Variants in RSU1 observed in about 807,000 individuals in gnomAD.
RSU1 encodes the protein Ras suppressor protein 1.
In RSU1, 26 loss-of-function variants were observed where a neutral mutation model predicts 31.1. The ratio of observed to expected loss-of-function variants is 0.84; its 90% CI spans 0.61 to 1.16. The LOEUF (loss-of-function observed/expected upper bound fraction) is 1.16. Among genes scored for constraint, RSU1 ranks in the 50% most tolerant of loss-of-function variants. The pLI is 0.00. For synonymous variants in RSU1, 164 were observed against 136.3 expected, an observed-to-expected ratio of 1.20 and a Z score of -1.41; for missense variants, 320 against 339.1, an observed-to-expected ratio of 0.94 and a Z score of 0.44.
At chr10:16,651,940 T>C (rs370863634) in intron 8 of RSU1, among the ~76,000 whole-genome samples, 1 of 152,150 alleles carries the variant, frequency 6.6e-6, no homozygotes, top group Non-Finnish European at 1.5e-5. Flanking sequence ...AAATGGCTGG[T>C]TTGGTATTGA....
chr10:16,769,253 AT>A (rs1692769791), intron 3 of RSU1, among the ~76,000 whole-genome samples: 1 of 152,250 alleles, frequency 6.6e-6, no homozygotes, highest in Non-Finnish European at 1.5e-5. Context: ...TTAGGAGTTT[AT>A]ACAATAATAA....
At chr10:16,659,276 C>T (rs1834843402) in intron 8 of RSU1, among the ~76,000 whole-genome samples, 1 of 149,200 alleles carries the variant, frequency 6.7e-6, no homozygotes, top group Admixed American at 6.7e-5. Flanking sequence ...GGGTAAGAAA[C>T]CCTTCTCTAC....
chr10:16,703,075 G>A (rs1489451004), intron 7 of RSU1, among the ~76,000 whole-genome samples: 1 of 152,030 alleles, frequency 6.6e-6, no homozygotes, highest in Non-Finnish European at 1.5e-5. Flanking sequence ...TTCCTTTCTT[G>A]CTCCTGCTCC....
At chr10:16,772,709 G>A (rs1470132958) in intron 3 of RSU1, among the ~76,000 whole-genome samples, 1 of 149,940 alleles carries the variant, frequency 6.7e-6, no homozygotes, top group Admixed American at 6.7e-5. Context: ...CAGTCTCAGT[G>A]TTATAAAAGG....
intron 7 of RSU1, among the ~76,000 whole-genome samples, chr10:16,697,871 G>A (rs759843452): frequency 1.5e-4 from 22 of 151,672 alleles, no homozygotes; most frequent in African/African-American, 4.6e-4. Context: ...AAATATAGTC[G>A]GAACTTCTAG....
chr10:16,700,745 G>A (rs1362477261), intron 7 of RSU1, among the ~76,000 whole-genome samples: 4 of 152,096 alleles, frequency 2.6e-5, no homozygotes, highest in East Asian at 1.9e-4. Context: ...AGACAGTGTC[G>A]GCAGTAACTA....
intron 7 of RSU1, among the ~76,000 whole-genome samples, chr10:16,700,742 G>A (rs981213530): frequency 7.9e-5 from 12 of 152,200 alleles, no homozygotes; most frequent in Non-Finnish European, 1.3e-4. Context: ...AATAGACAGT[G>A]TCGGCAGTAA....
chr10:16,608,944 T>C (rs1833849481), intron 8 of RSU1, among the ~76,000 whole-genome samples: 1 of 152,138 alleles, frequency 6.6e-6, no homozygotes, highest in Non-Finnish European at 1.5e-5. Context: ...TAGATCCTCC[T>C]GTCTCAGCCT....
At chr10:16,782,611 G>A (rs1395359090) in intron 2 of RSU1, among the ~76,000 whole-genome samples, 1 of 152,194 alleles carries the variant, frequency 6.6e-6, no homozygotes, top group African/African-American at 2.4e-5. Flanking sequence ...GATGATCAGA[G>A]TTGAAACCCT....
intron 8 of RSU1, among the ~76,000 whole-genome samples, chr10:16,630,726 G>A (rs903532903): frequency 6.6e-6 from 1 of 152,152 alleles, no homozygotes. Context: ...ATTTCTTCCT[G>A]GGTGGTACTT....
chr10:16,704,149 A>G (rs1835848288), intron 7 of RSU1, among the ~76,000 whole-genome samples: 1 of 152,220 alleles, frequency 6.6e-6, no homozygotes, highest in South Asian at 2.1e-4. Context: ...ATCTATTTTG[A>G]GTACTGAAAA....
chr10:16,641,891 A>G (rs1834449312), intron 8 of RSU1, among the ~76,000 whole-genome samples: 1 of 152,234 alleles, frequency 6.6e-6, no homozygotes. Context: ...TGATCCATGT[A>G]GCAGAGCGGG....
At chr10:16,660,838 G>A (rs1216611658) in intron 8 of RSU1, among the ~76,000 whole-genome samples, 2 of 151,340 alleles carry the variant, frequency 1.3e-5, no homozygotes, top group African/African-American at 4.9e-5. Context: ...GTAGAGATGG[G>A]GTTTCACCAT....
chr10:16,596,596 T>G (rs1162646815), intron 8 of RSU1, among the ~76,000 whole-genome samples: 1 of 152,230 alleles, frequency 6.6e-6, no homozygotes, highest in Non-Finnish European at 1.5e-5. Flanking sequence ...CTAGGTAGCT[T>G]CAGCTACACA....
At chr10:16,694,255 C>T (rs1191592100) in intron 8 of RSU1, among the ~76,000 whole-genome samples, 1 of 152,182 alleles carries the variant, frequency 6.6e-6, no homozygotes, top group African/African-American at 2.4e-5. Flanking sequence ...GCTTCCTCTC[C>T]TGCCTTCCCC....
chr10:16,695,167 G>GGGGGGGGC lies in RSU1; in HGVS notation c.599-13_599-12insGCCCCCCC. ...TAAATCCAAGTTTCCTGGGGGGGGGGAAAAAAAAAGTGAAGGTCACTTCAT... is the reference window on the plus strand; with the variant it reads ...TAAATCCAAGTTTCCTGGGGGGGGGGGGGGGGGCAAAAAAAAAGTGAAGGTCACTTCAT... On this transcript the variant is annotated splice_polypyrimidine_tract_variant and intron_variant, in intron 7 of 8. Coordinates refer to ENST00000345264, the MANE Select transcript of RSU1 (RefSeq NM_012425.4). 7.6e-7 allele frequency: 1 copy of GGGGGGGGC among 1,318,156 alleles called. No individual in the cohort carries two copies. Among genetic ancestry groups the GGGGGGGGC allele is most frequent in the Non-Finnish European group, 1.0e-6 (1 of 970,982 alleles). The allele number at this position is 1,318,156 out of a possible 1,614,324, so 81.7% of individuals were successfully genotyped here.
rs1554768707 is a variant in RSU1, at chr10:16,718,097, T to TTA, written c.599-22943_599-22942insTA. On this transcript the variant is annotated intron_variant, in intron 7 of 8. Transcript: ENST00000345264. ...AGGTGTTTCCAAAGCTCAATTTATT[T>TTA]AAAAAAAAAAAAAAAAGAAAGAAAG... 2.8e-4 allele frequency among the ~76,000 whole-genome samples: 38 copies of TTA among 136,202 alleles called. 2 individuals carry two copies. Among genetic ancestry groups the TTA allele is most frequent in the Non-Finnish European group, 1.7e-4 (11 of 64,458 alleles). The allele number at this position is 136,202 out of a possible 152,430, so 89.4% of individuals were successfully genotyped here. A position where few individuals can be genotyped will look rare whatever the true frequency, so the allele number is the denominator to read the frequency against.
In RSU1 at chr10:16,695,157, T is replaced by TGCGG. The variant is rs373104238; in HGVS notation, c.599-3_599-2insCCGC. 133 of 1,204,558 alleles carry TGCGG rather than the reference T, an allele frequency of 1.1e-4. No individual in the cohort carries two copies. The highest frequency in any genetic ancestry group is 4.4e-4 in the Middle Eastern group (2 of 4,596). 74.6% of individuals were successfully genotyped at this position (1,204,558 alleles called of 1,614,324 possible). The stretch of plus-strand genomic sequence containing the variant: ...TCTGGCCAGTTAAATCCAAGTTTCC[T>TGCGG]GGGGGGGGGGAAAAAAAAAGTGAAG... On this transcript the variant is annotated splice_polypyrimidine_tract_variant and splice_region_variant and intron_variant, in intron 7 of 8. Coordinates refer to ENST00000345264, the MANE Select transcript of RSU1 (RefSeq NM_012425.4).
At chr10:16,700,487 T>C (rs1467612581) in intron 7 of RSU1, among the ~76,000 whole-genome samples, 1 of 152,152 alleles carries the variant, frequency 6.6e-6, no homozygotes, top group Non-Finnish European at 1.5e-5. Flanking sequence ...AATCCTCACA[T>C]GGAAGCTAAC....
Sources: allele counts gnomAD v4.1 joint callset (sites outside exome capture counted in the v4.1 genomes callset), GRCh38; gene constraint gnomAD v4.1.1; transcripts MANE v1.5; gene names NCBI Gene and HGNC (gene_info 2026-07-23, HGNC 2026-07-21).